The following DENND11 variants were observed in gnomAD, a reference collection of about 807,000 sequenced individuals.
DENND11 encodes DENN domain-containing protein 11.
A neutral mutation model predicts 49.2 loss-of-function variants in DENND11; 34 were observed. The observed-to-expected ratio is 0.69, with a 90% CI of 0.53 to 0.92. The LOEUF is 0.92. DENND11 is among the 40% of genes least tolerant of loss of function. The pLI is 0.00. For synonymous variants in DENND11, 238 were observed against 230.3 expected (o/e 1.03, Z -0.30); for missense variants, 475 against 581.6 (o/e 0.82, Z 1.88).
At position 141,701,667 on chromosome 7, in the gene DENND11, C is replaced by T. The variant is rs1041318061; in HGVS notation, c.268+219G>A. On this transcript the variant is annotated intron_variant, in intron 1 of 8. Transcript: ENST00000536163. ...TGGAACAAAGCCCTCGGGGCCGCTC[C>T]GAGAGGCCGCGCGCCAGCACCCAGC... The T allele has an allele frequency of 1.5e-4, 42 of 287,714 alleles. No homozygotes were observed. The Admixed American group carries it at 2.3e-3, about 16-fold the overall frequency. The allele number at this position is 287,714 out of a possible 1,614,324, so 17.8% of individuals were successfully genotyped here.
intron 4 of DENND11, among the ~76,000 whole-genome samples, chr7:141,670,234 C>A (rs963734663): frequency 6.6e-6 from 1 of 152,094 alleles, no homozygotes; most frequent in Admixed American, 6.6e-5. Context: ...ACTTAATAAG[C>A]TCATATACAC....
At chr7:141,671,189 A>G (rs1358824760) in intron 4 of DENND11, among the ~76,000 whole-genome samples, 1 of 152,002 alleles carries the variant, frequency 6.6e-6, no homozygotes, top group Non-Finnish European at 1.5e-5. Context: ...TTATTTATTT[A>G]TTTATTTAGA....
At chr7:141,701,356 C>G (rs1448549670) in intron 1 of DENND11, among the ~76,000 whole-genome samples, 3 of 142,748 alleles carry the variant, frequency 2.1e-5, no homozygotes, top group Non-Finnish European at 4.5e-5. Context: ...CGACGGGGAG[C>G]TAGGGCGAGC....
intron 3 of DENND11, among the ~76,000 whole-genome samples, chr7:141,683,222 CAG>C (rs1003230819): frequency 6.6e-6 from 1 of 152,010 alleles, no homozygotes; most frequent in Non-Finnish European, 1.5e-5. Flanking sequence ...AAGAAAAAAA[CAG>C]AATGCAAAAG....
chr7:141,680,871 C>T (rs761570294), intron 3 of DENND11, among the ~76,000 whole-genome samples: 13 of 152,078 alleles, frequency 8.5e-5, no homozygotes, highest in Admixed American at 3.3e-4. Flanking sequence ...TGAACTACTA[C>T]GACTGCCATG....
At chr7:141,667,693 A>G (rs551404821) in intron 4 of DENND11, among the ~76,000 whole-genome samples, 16 of 152,244 alleles carry the variant, frequency 1.1e-4, no homozygotes, top group African/African-American at 3.6e-4. Context: ...AACAACCACC[A>G]GCCTTCAGAG....
intron 1 of DENND11, among the ~76,000 whole-genome samples, chr7:141,691,735 C>T (rs1179620625): frequency 6.6e-6 from 1 of 152,172 alleles, no homozygotes; most frequent in East Asian, 1.9e-4. Context: ...GCTGACAACT[C>T]CTTGAATGAA....
chr7:141,685,012 CAAAA>C (rs869107786), intron 3 of DENND11, among the ~76,000 whole-genome samples: 6 of 40,234 alleles, frequency 1.5e-4, no homozygotes, highest in African/African-American at 5.0e-4. Flanking sequence ...CTGTCTCTAC[CAAAA>C]AAAAAAAAAA....
chr7:141,678,226 G>T (rs955836522), intron 3 of DENND11, among the ~76,000 whole-genome samples: 9 of 152,134 alleles, frequency 5.9e-5, no homozygotes, highest in Admixed American at 1.3e-4. Context: ...GCCTCCCAAA[G>T]TGCTAGGATT....
At chr7:141,698,079 A>G (rs948567321) in intron 1 of DENND11, among the ~76,000 whole-genome samples, 7 of 152,236 alleles carry the variant, frequency 4.6e-5, no homozygotes, top group African/African-American at 1.4e-4. Context: ...TAAACGCAGC[A>G]GTGTAAAGTG....
At chr7:141,669,986 AT>A (rs1489631603) in intron 4 of DENND11, among the ~76,000 whole-genome samples, 1 of 150,160 alleles carries the variant, frequency 6.7e-6, no homozygotes, top group African/African-American at 2.5e-5. Context: ...AATTTTTTGT[AT>A]TTTTAGTAGA....
intron 3 of DENND11, among the ~76,000 whole-genome samples, chr7:141,677,432 T>C (rs1798077852): frequency 6.9e-6 from 1 of 144,844 alleles, no homozygotes; most frequent in South Asian, 2.2e-4. Context: ...TACACATATA[T>C]ATGTGTGTGT....
At chr7:141,676,918 A>G (rs1798067212) in intron 3 of DENND11, among the ~76,000 whole-genome samples, 1 of 152,184 alleles carries the variant, frequency 6.6e-6, no homozygotes. Flanking sequence ...ATATATTATT[A>G]ATCAGAAGCC....
In DENND11 at chr7:141,659,712, G is replaced by C. The variant is rs1428038983; in HGVS notation, c.*2944C>G. The C allele has an allele frequency of 2.0e-5, 3 of 152,248 alleles. No homozygotes were observed. Among genetic ancestry groups the C allele is most frequent in the African/African-American group, 7.2e-5 (3 of 41,450 alleles). 9.4% of individuals were successfully genotyped at this position (152,248 alleles called of 1,614,324 possible). The stretch of plus-strand genomic sequence containing the variant: ...AGATCAGGCTGACAGCTTCACAGGA[G>C]AACTAGGCCTGCTCAGGCAGGCGAG... On this transcript the variant is annotated 3_prime_UTR_variant, in exon 9 of 9. Transcript: ENST00000536163.
chr7:141,686,289 C>T (rs1798241464), intron 2 of DENND11, among the ~76,000 whole-genome samples: 1 of 152,196 alleles, frequency 6.6e-6, no homozygotes, highest in Non-Finnish European at 1.5e-5. Context: ...TAAAACCAAA[C>T]CTCAAGTGAG....
At chr7:141,691,940 G>C (rs1262022337) in intron 1 of DENND11, among the ~76,000 whole-genome samples, 2 of 152,114 alleles carry the variant, frequency 1.3e-5, no homozygotes, top group Non-Finnish European at 2.9e-5. Flanking sequence ...GGGCACGCAT[G>C]TGTTTAAAAA....
Position 141,668,441 on chromosome 7 carries a change from C to T in DENND11, c.682-2016G>A, listed in dbSNP as rs569488462. Among the ~76,000 whole-genome samples the T allele has an allele frequency of 2.0e-5, 3 of 152,214 alleles. No individual in the cohort carries two copies. The South Asian group carries it at 6.2e-4, about 32-fold the overall frequency. On this transcript the variant is annotated intron_variant, in intron 4 of 8. Transcript: ENST00000536163. ...CTCTACTAAAAATACAAAAAATTAG[C>T]TGGGTGTGGTGTCGCGTGCCTGTAA...
At chr7:141,689,802 T>C (rs1798297030) in intron 1 of DENND11, among the ~76,000 whole-genome samples, 1 of 152,248 alleles carries the variant, frequency 6.6e-6, no homozygotes, top group Non-Finnish European at 1.5e-5. Flanking sequence ...AATGTAATTA[T>C]AGTTTGCTTT....
rs891652795 is a variant in DENND11, at chr7:141,667,354, T to C, written c.682-929A>G. On this transcript the variant is annotated intron_variant, in intron 4 of 8. Transcript: ENST00000536163. ...CTGAATTCCAATCCTGGCCCTGCCA[T>C]TTACTAACAGGGAGATCTGGGGAAA... is the stretch of plus-strand genomic sequence containing the variant. 3.3e-5 allele frequency among the ~76,000 whole-genome samples: 5 copies of C among 152,170 alleles called. No homozygotes were observed. In the South Asian group the frequency reaches 1.0e-3, roughly 32 times the overall value.
Sources: allele counts gnomAD v4.1 joint callset (sites outside exome capture counted in the v4.1 genomes callset), GRCh38; gene constraint gnomAD v4.1.1; transcripts MANE v1.5; gene names NCBI Gene and HGNC (gene_info 2026-07-23, HGNC 2026-07-21).